The following DIS3L2 variants were observed in gnomAD, a reference collection of about 807,000 sequenced individuals.
The protein encoded by DIS3L2 is DIS3-like exonuclease 2.
Under a neutral mutation model 97.5 loss-of-function variants are expected in DIS3L2, and 34 were observed. The observed-to-expected ratio is 0.35, with a 90% CI of 0.27 to 0.46. The LOEUF (loss-of-function observed/expected upper bound fraction) is 0.46, where lower values mean the gene tolerates loss of function less well. DIS3L2 is among the 20% of genes least tolerant of loss of function. The pLI, the probability that DIS3L2 is intolerant of heterozygous loss-of-function variation, is 1.00. For synonymous variants in DIS3L2, 435 were observed against 445.2 expected (o/e 0.98, Z 0.29); for missense variants, 1,038 against 1,146.0 (o/e 0.91, Z 1.36).
chr2:231,986,330 T>C (rs1298218973), intron 1 of DIS3L2, among the ~76,000 whole-genome samples: 1 of 152,214 alleles, frequency 6.6e-6, no homozygotes, highest in Admixed American at 6.5e-5. Flanking sequence ...TCTGCCCCTC[T>C]GGAGAACCCT....
chr2:232,102,151 G>A (rs1397565498), intron 6 of DIS3L2, among the ~76,000 whole-genome samples: 1 of 151,466 alleles, frequency 6.6e-6, no homozygotes, highest in East Asian at 1.9e-4. Context: ...TGTTTCACCG[G>A]AATCAAGCCT....
chr2:232,194,436 C>T (rs1293148558), intron 9 of DIS3L2, among the ~76,000 whole-genome samples: 1 of 151,944 alleles, frequency 6.6e-6, no homozygotes, highest in Non-Finnish European at 1.5e-5. Flanking sequence ...ACTGGTTTAC[C>T]AAGGTCCCAT....
intron 1 of DIS3L2, among the ~76,000 whole-genome samples, chr2:231,970,564 T>C (rs551816825): frequency 6.6e-6 from 1 of 152,252 alleles, no homozygotes; most frequent in South Asian, 2.1e-4. Context: ...AAAAATACAA[T>C]ATAAAAGATA....
At chr2:232,104,720 A>G (rs985934515) in intron 6 of DIS3L2, among the ~76,000 whole-genome samples, 1 of 152,196 alleles carries the variant, frequency 6.6e-6, no homozygotes, top group African/African-American at 2.4e-5. Context: ...CAAGGCACAT[A>G]TATGTTGTAG....
intron 5 of DIS3L2, among the ~76,000 whole-genome samples, chr2:232,079,028 A>G (rs887049284): frequency 1.6e-4 from 25 of 152,214 alleles, no homozygotes; most frequent in African/African-American, 5.8e-4. Context: ...TTGAAAGACA[A>G]TTGAGTACTA....
chr2:232,129,552 A>G (rs1698161931), intron 6 of DIS3L2, among the ~76,000 whole-genome samples: 1 of 152,240 alleles, frequency 6.6e-6, no homozygotes, highest in Non-Finnish European at 1.5e-5. Flanking sequence ...TTCTGCATTC[A>G]GAGGGCACTT....
rs571764799 is a variant in DIS3L2, at chr2:232,288,574, C to T, written c.1660-11466C>T. Reference sequence around the variant, plus strand: ...GACAAGGTCAGAGCTGCTGGCTCCCCGCTTGGGGTTATATAACTCCCCGAC... The same window carrying T: ...GACAAGGTCAGAGCTGCTGGCTCCCTGCTTGGGGTTATATAACTCCCCGAC... On this transcript the variant is annotated intron_variant, in intron 13 of 20. Transcript: ENST00000325385. 2.6e-5 allele frequency among the ~76,000 whole-genome samples: 4 copies of T among 152,208 alleles called. No homozygotes were observed. In the South Asian group the frequency reaches 8.3e-4, roughly 32 times the overall value.
At chr2:232,010,494 C>G (rs557680139) in intron 1 of DIS3L2, among the ~76,000 whole-genome samples, 48 of 152,126 alleles carry the variant, frequency 3.2e-4, no homozygotes, top group Non-Finnish European at 1.2e-4. Context: ...TTTTTCTAAT[C>G]TCATTGAGAT....
chr2:232,196,511 T>C (rs976090754), intron 9 of DIS3L2, among the ~76,000 whole-genome samples: 1 of 152,128 alleles, frequency 6.6e-6, no homozygotes, highest in African/African-American at 2.4e-5. Flanking sequence ...TGAGAATACA[T>C]TTTCCAGGCA....
intron 13 of DIS3L2, among the ~76,000 whole-genome samples, chr2:232,287,045 ACT>A (rs1694453114): frequency 6.6e-6 from 1 of 151,972 alleles, no homozygotes; most frequent in Admixed American, 6.6e-5. Context: ...AAGAGCATAA[ACT>A]CTGTCTGACA....
At chr2:232,176,013 C>G (rs947992486) in intron 9 of DIS3L2, among the ~76,000 whole-genome samples, 3 of 152,126 alleles carry the variant, frequency 2.0e-5, no homozygotes, top group Admixed American at 6.5e-5. Flanking sequence ...CTTCAGCCTC[C>G]CAAGTAGCTG....
intron 6 of DIS3L2, among the ~76,000 whole-genome samples, chr2:232,106,701 A>G (rs1697366608): frequency 6.6e-6 from 1 of 152,236 alleles, no homozygotes; most frequent in African/African-American, 2.4e-5. Flanking sequence ...ATTGAGACAG[A>G]AAATTAACAA....
At chr2:232,238,750 C>T in intron 11 of DIS3L2, 105 bp downstream of exon 11, 1 of 1,018,942 alleles carries the variant, frequency 9.8e-7, no homozygotes, top group Non-Finnish European at 1.4e-6. Flanking sequence ...AAAGAGAAGC[C>T]AAAGGAAGAC....
chr2:232,235,669 T>TGTA (rs1574963302), intron 10 of DIS3L2, among the ~76,000 whole-genome samples: 1 of 152,382 alleles, frequency 6.6e-6, no homozygotes, highest in East Asian at 1.9e-4. Flanking sequence ...TATATCATGA[T>TGTA]GTAATAATCC....
At chr2:232,311,763 G>T (rs1695141198) in intron 14 of DIS3L2, among the ~76,000 whole-genome samples, 1 of 152,042 alleles carries the variant, frequency 6.6e-6, no homozygotes. Flanking sequence ...CATTATATTT[G>T]TGAGAATTCA....
chr2:232,008,684 A>C (rs1357790381), intron 1 of DIS3L2, among the ~76,000 whole-genome samples: 1 of 152,108 alleles, frequency 6.6e-6, no homozygotes, highest in Non-Finnish European at 1.5e-5. Flanking sequence ...GGTGCTGGGG[A>C]GTTCCCATGT....
At chr2:232,055,946 T>C (rs1443281887) in intron 5 of DIS3L2, among the ~76,000 whole-genome samples, 3 of 152,232 alleles carry the variant, frequency 2.0e-5, no homozygotes, top group Admixed American at 6.5e-5. Flanking sequence ...CTTTATTTCA[T>C]ACCATGCACA....
At chr2:232,161,173 C>A (rs972869162) in intron 8 of DIS3L2, among the ~76,000 whole-genome samples, 3 of 152,180 alleles carry the variant, frequency 2.0e-5, no homozygotes, top group Non-Finnish European at 4.4e-5. Context: ...GCCTTGGCCT[C>A]CCAAAGTGCT....
chr2:232,103,291 G>A (rs1049219202), intron 6 of DIS3L2, among the ~76,000 whole-genome samples: 5 of 151,996 alleles, frequency 3.3e-5, no homozygotes, highest in Non-Finnish European at 7.4e-5. Context: ...GCATAATAGT[G>A]GTGATTGTCT....
Sources: allele counts gnomAD v4.1 joint callset (sites outside exome capture counted in the v4.1 genomes callset), GRCh38; gene constraint gnomAD v4.1.1; transcripts MANE v1.5; gene names NCBI Gene and HGNC (gene_info 2026-07-23, HGNC 2026-07-21).